KCNH1: variants seen among roughly 807,000 people sequenced by gnomAD.
The protein encoded by KCNH1 is potassium voltage-gated channel subfamily H member 1, also known as voltage-gated delayed rectifier potassium channel KCNH1.
A neutral mutation model predicts 69.2 loss-of-function variants in KCNH1; 27 were observed. The observed-to-expected ratio is 0.39, with a 90% CI of 0.29 to 0.54. KCNH1 has a LOEUF of 0.54. Ranked by LOEUF, KCNH1 falls within the 20% of genes least tolerant of loss-of-function variation. The pLI, the probability that KCNH1 is intolerant of heterozygous loss-of-function variation, is 0.68. For missense variants in KCNH1, 798 were observed against 1,261.6 expected (o/e 0.63, Z 5.57); for synonymous variants, 456 against 487.7 (o/e 0.93, Z 0.86).
At chr1:210,759,156 G>GACACAC (rs60773247) in intron 10 of KCNH1, among the ~76,000 whole-genome samples, 23,264 of 148,446 alleles carry the variant, frequency 0.16, 2,398 homozygotes, top group Non-Finnish European at 0.24. Flanking sequence ...CCAAATGATA[G>GACACAC]ACACACACAC....
intron 1 of KCNH1, among the ~76,000 whole-genome samples, chr1:211,110,071 T>C (rs1302041532): frequency 6.7e-6 from 1 of 148,682 alleles, no homozygotes; most frequent in Admixed American, 6.7e-5. Flanking sequence ...GAAAAACATA[T>C]ACCCTAAGAG....
intron 5 of KCNH1, among the ~76,000 whole-genome samples, chr1:211,028,317 A>G (rs1349303894): frequency 6.6e-6 from 1 of 152,064 alleles, no homozygotes; most frequent in Non-Finnish European, 1.5e-5. Flanking sequence ...AAAGTACTAC[A>G]AAAAGGGAAA....
intron 10 of KCNH1, among the ~76,000 whole-genome samples, chr1:210,759,530 G>C (rs1683471167): frequency 6.6e-6 from 1 of 151,976 alleles, no homozygotes; most frequent in African/African-American, 2.4e-5. Flanking sequence ...ATAGTAGGAA[G>C]CCTTAACAAC....
chr1:210,917,275 G>GA lies in KCNH1; in HGVS notation c.1462+2364dup, dbSNP rs142037190. 2.1e-3 allele frequency among the ~76,000 whole-genome samples: 305 copies of GA among 142,932 alleles called. 1 individual carries two copies. Among genetic ancestry groups the GA allele is most frequent in the African/African-American group, 6.6e-3 (247 of 37,532 alleles). The allele number at this position is 142,932 out of a possible 152,430, so 93.8% of individuals were successfully genotyped here. A position where few individuals can be genotyped will look rare whatever the true frequency, so the allele number is the denominator to read the frequency against. ...AGAAAGAAAGAAAGAAAGAAAGAAA[G>GA]AAAGAAAAGAAAAGAAAGAGAAACA... On this transcript the variant is annotated intron_variant, in intron 7 of 10. Transcript: ENST00000271751.
intron 6 of KCNH1, among the ~76,000 whole-genome samples, chr1:210,948,776 C>T (rs1688008956): frequency 6.7e-6 from 1 of 150,362 alleles, no homozygotes; most frequent in Non-Finnish European, 1.5e-5. Flanking sequence ...TGCAGTGAGC[C>T]GAGATCACGC....
At chr1:210,892,901 A>G (rs1686777698) in intron 7 of KCNH1, among the ~76,000 whole-genome samples, 1 of 152,178 alleles carries the variant, frequency 6.6e-6, no homozygotes, top group South Asian at 2.1e-4. Flanking sequence ...TAAAGCTCAT[A>G]AATTCCTAGA....
At position 210,877,631 on chromosome 1, in the gene KCNH1, T is replaced by G. The variant is rs151077753; in HGVS notation, c.1462+42009A>C. Among the ~76,000 whole-genome samples the G allele has an allele frequency of 3.7e-3, 562 of 152,322 alleles. 4 individuals are homozygous for G. Among genetic ancestry groups the G allele is most frequent in the African/African-American group, 0.013 (542 of 41,580 alleles). ...ATACAATTTATTCAATCCATTTATT[T>G]TGCAAATAACTGAACATGTCCTATA... On this transcript the variant is annotated intron_variant, in intron 7 of 10. Transcript: ENST00000271751.
intron 6 of KCNH1, among the ~76,000 whole-genome samples, chr1:210,931,056 A>T (rs368086351): frequency 2.6e-4 from 39 of 152,338 alleles, no homozygotes; most frequent in African/African-American, 8.2e-4. Context: ...ACACTTTTAC[A>T]CTGTTGGTGA....
intron 6 of KCNH1, among the ~76,000 whole-genome samples, chr1:211,013,412 A>G (rs970914968): frequency 2.0e-5 from 3 of 152,150 alleles, no homozygotes; most frequent in African/African-American, 7.2e-5. Flanking sequence ...ACACAGGCTA[A>G]CCACTCAAAC....
chr1:210,956,867 C>T (rs1360870070), intron 6 of KCNH1, among the ~76,000 whole-genome samples: 1 of 152,054 alleles, frequency 6.6e-6, no homozygotes, highest in Non-Finnish European at 1.5e-5. Context: ...AAATCAGCTC[C>T]TGGATTCATT....
At chr1:210,856,318 A>C (rs955921597) in intron 7 of KCNH1, among the ~76,000 whole-genome samples, 8 of 152,178 alleles carry the variant, frequency 5.3e-5, no homozygotes, top group Non-Finnish European at 1.5e-5. Context: ...AACCAGAAAC[A>C]GCCCCTGGAA....
chr1:210,935,891 A>G (rs1687767906), intron 6 of KCNH1, among the ~76,000 whole-genome samples: 1 of 152,224 alleles, frequency 6.6e-6, no homozygotes, highest in South Asian at 2.1e-4. Context: ...ACATTTAGCA[A>G]TTAATAGATT....
intron 5 of KCNH1, among the ~76,000 whole-genome samples, chr1:211,070,418 TAAAAAA>T (rs759773298): frequency 6.2e-5 from 7 of 112,610 alleles, no homozygotes; most frequent in Admixed American, 9.9e-5. Context: ...ACTCCACCTT[TAAAAAA>T]AAAAAAACAC....
At chr1:210,807,422 T>C (rs1044651292) in intron 7 of KCNH1, among the ~76,000 whole-genome samples, 5 of 152,036 alleles carry the variant, frequency 3.3e-5, no homozygotes, top group Non-Finnish European at 7.4e-5. Context: ...CTGGTCAACA[T>C]GGCAAAGCCC....
intron 6 of KCNH1, 64 bp downstream of exon 6, chr1:211,018,719 G>T: frequency 1.6e-6 from 2 of 1,269,740 alleles, no homozygotes; most frequent in South Asian, 2.8e-5. Flanking sequence ...TTCTTCTGTT[G>T]ACCACCCACA....
intron 10 of KCNH1, among the ~76,000 whole-genome samples, chr1:210,748,863 CA>C (rs1370608882): frequency 6.6e-6 from 1 of 152,194 alleles, no homozygotes; most frequent in Non-Finnish European, 1.5e-5. Context: ...CAGATTTATT[CA>C]GAACCTCAGG....
chr1:210,785,086 T>G (rs1434205817), intron 9 of KCNH1, among the ~76,000 whole-genome samples: 1 of 152,044 alleles, frequency 6.6e-6, no homozygotes, highest in African/African-American at 2.4e-5. Context: ...GCTTACAATA[T>G]AAGGAGACAA....
chr1:210,686,012 T>G (rs980558044), intron 10 of KCNH1, among the ~76,000 whole-genome samples: 2 of 152,202 alleles, frequency 1.3e-5, no homozygotes, highest in African/African-American at 4.8e-5. Flanking sequence ...AGCTATTACC[T>G]GGGTTCCAGT....
At chr1:211,074,590 T>C (rs1290844248) in intron 5 of KCNH1, among the ~76,000 whole-genome samples, 1 of 152,188 alleles carries the variant, frequency 6.6e-6, no homozygotes, top group Non-Finnish European at 1.5e-5. Flanking sequence ...TGACAAGAGG[T>C]GAACTGTAAT....
Sources: allele counts gnomAD v4.1 joint callset (sites outside exome capture counted in the v4.1 genomes callset), GRCh38; gene constraint gnomAD v4.1.1; transcripts MANE v1.5; gene names NCBI Gene and HGNC (gene_info 2026-07-23, HGNC 2026-07-21).